Variants in BEND7 observed in about 807,000 individuals in gnomAD.
BEND7 encodes the protein BEN domain-containing protein 7.
A neutral mutation model predicts 50.9 loss-of-function variants in BEND7; 28 were observed. The observed-to-expected ratio is 0.55, with a 90% CI of 0.41 to 0.75. The LOEUF (loss-of-function observed/expected upper bound fraction) is 0.75. Among genes scored for constraint, BEND7 ranks in the 30% least tolerant of loss-of-function variants. The probability of loss-of-function intolerance (pLI) is 0.00; values close to 1 mark genes in which losing one functional copy is unlikely to be tolerated. For missense variants in BEND7, 477 were observed against 491.3 expected (o/e 0.97, Z 0.28); for synonymous variants, 170 against 183.9 (o/e 0.92, Z 0.61).
chr10:13,469,527 A>C (rs758000582), intron 6 of BEND7, among the ~76,000 whole-genome samples: 1 of 152,174 alleles, frequency 6.6e-6, no homozygotes, highest in Non-Finnish European at 1.5e-5. Flanking sequence ...ACCAGGCTGG[A>C]CTGCAGTGGC....
At chr10:13,439,807 C>G (rs896390682), downstream of BEND7, among the ~76,000 whole-genome samples, 2 of 152,232 alleles carry the variant, frequency 1.3e-5, no homozygotes, top group Non-Finnish European at 2.9e-5. Context: ...AGATAGGACT[C>G]CGATCAACAC....
At chr10:13,463,341 AG>A (rs2073907442) in intron 6 of BEND7, among the ~76,000 whole-genome samples, 1 of 152,212 alleles carries the variant, frequency 6.6e-6, no homozygotes, top group African/African-American at 2.4e-5. Context: ...GAGAGGAGAA[AG>A]GGGAGGAGGA....
At position 13,441,245 on chromosome 10, in the gene BEND7, C is replaced by T. The variant is rs1835274963; in HGVS notation, c.*498G>A. On this transcript the variant is annotated 3_prime_UTR_variant, in exon 9 of 9. Transcript: ENST00000466271. ...TAATTTTAAAAAATCTAAATATTTACATATTAATAAAACATATATACAGAA... is the reference window on the plus strand; with the variant it reads ...TAATTTTAAAAAATCTAAATATTTATATATTAATAAAACATATATACAGAA... 1.1e-6 allele frequency: 1 copy of T among 903,628 alleles called. No homozygotes were observed. Among genetic ancestry groups the T allele is most frequent in the South Asian group, 5.1e-5 (1 of 19,480 alleles). The allele number at this position is 903,628 out of a possible 1,614,324, so 56.0% of individuals were successfully genotyped here.
chr10:13,442,462 G>T (rs1419368775), intron 8 of BEND7: 1 of 152,216 alleles, frequency 6.6e-6, no homozygotes, highest in Non-Finnish European at 1.5e-5. Context: ...ATTAGAGAAA[G>T]AAATCTGGAG....
chr10:13,525,572 G>C (rs2079403345), intron 2 of BEND7, among the ~76,000 whole-genome samples: 1 of 152,224 alleles, frequency 6.6e-6, no homozygotes, highest in South Asian at 2.1e-4. Flanking sequence ...GCACTATCAA[G>C]AGCTGGTTAG....
chr10:13,508,116 T>C (rs983991358), intron 2 of BEND7, among the ~76,000 whole-genome samples: 1 of 152,136 alleles, frequency 6.6e-6, no homozygotes, highest in African/African-American at 2.4e-5. Flanking sequence ...AGAAGAGGAA[T>C]CTGAAACAGA....
Position 13,484,642 on chromosome 10 carries a change from TA to T in BEND7, c.838-3519del, listed in dbSNP as rs558612189. Among the ~76,000 whole-genome samples the T allele has an allele frequency of 2.2e-3, 341 of 152,360 alleles. 3 individuals carry two copies. The highest frequency in any genetic ancestry group is 7.7e-3 in the African/African-American group (322 of 41,584). ...TACTCAAGCCAAAGTAGAAAGCGAA[TA>T]TGTTAATTTACAGATTTTAGTGATT... On this transcript the variant is annotated intron_variant, in intron 5 of 8. Coordinates refer to ENST00000466271, the MANE Select transcript of BEND7 (RefSeq NM_001369863.1).
upstream of BEND7, among the ~76,000 whole-genome samples, chr10:13,529,622 G>C (rs999213041): frequency 6.6e-6 from 1 of 152,152 alleles, no homozygotes; most frequent in Non-Finnish European, 1.5e-5. Flanking sequence ...GGTCAAGGCA[G>C]GTGCAGGGCA....
intron 8 of BEND7, 192 bp downstream of exon 8, chr10:13,447,074 G>A (rs117951069): frequency 4.5e-4 from 277 of 621,082 alleles, no homozygotes; most frequent in Non-Finnish European, 7.2e-4. Flanking sequence ...TGAGAAAAAC[G>A]TTTTTCTATT....
At chr10:13,487,627 C>T (rs2076328436) in intron 5 of BEND7, among the ~76,000 whole-genome samples, 1 of 152,066 alleles carries the variant, frequency 6.6e-6, no homozygotes, top group South Asian at 2.1e-4. Context: ...CTCAGCTGAT[C>T]TACTAGCCTC....
chr10:13,491,682 A>G (rs2131994499), intron 5 of BEND7, among the ~76,000 whole-genome samples: 1 of 152,106 alleles, frequency 6.6e-6, no homozygotes, highest in East Asian at 1.9e-4. Flanking sequence ...TAAAAACCCA[A>G]TGTGGATATA....
chr10:13,472,378 C>T (rs897834543), intron 6 of BEND7, among the ~76,000 whole-genome samples: 4 of 151,680 alleles, frequency 2.6e-5, no homozygotes, highest in East Asian at 1.9e-4. Flanking sequence ...GGCCAATACT[C>T]GTCATCACTG....
intron 7 of BEND7, among the ~76,000 whole-genome samples, chr10:13,448,772 G>A (rs978372515): frequency 6.6e-6 from 1 of 152,010 alleles, no homozygotes; most frequent in Non-Finnish European, 1.5e-5. Context: ...TCAGGAGATC[G>A]AGACCATCCT....
rs141006554 is a variant in BEND7 at position 13,502,620 on chromosome 10, G to A, written c.146-2540C>T. Among the ~76,000 whole-genome samples the A allele has an allele frequency of 2.8e-4, 43 of 152,214 alleles. 1 individual carries two copies. In the East Asian group the frequency reaches 7.9e-3, roughly 28 times the overall value. On this transcript the variant is annotated intron_variant, in intron 2 of 8. Coordinates refer to ENST00000466271, the MANE Select transcript of BEND7 (RefSeq NM_001369863.1). ...GAAAGATAAGCCCACAGGCAAATGC[G>A]GTATTAATTTCAGCAACCAGACACA...
intron 6 of BEND7, among the ~76,000 whole-genome samples, chr10:13,465,157 T>C (rs753803567): frequency 3.9e-5 from 6 of 152,218 alleles, no homozygotes; most frequent in Non-Finnish European, 7.3e-5. Flanking sequence ...GAGAAAGTTT[T>C]TTCTCTCGTC....
intron 1 of BEND7, 103 bp from the exon 2 acceptor site, chr10:13,526,324 A>G (rs749058903): frequency 3.1e-6 from 1 of 324,236 alleles, no homozygotes; most frequent in Non-Finnish European, 5.2e-6. Context: ...ATACTCTATA[A>G]TTTATAAATA....
At chr10:13,523,188 T>G (rs1411616359) in intron 2 of BEND7, among the ~76,000 whole-genome samples, 1 of 152,204 alleles carries the variant, frequency 6.6e-6, no homozygotes, top group African/African-American at 2.4e-5. Flanking sequence ...GAGAACTGTT[T>G]CCTTTCAAAC....
chr10:13,455,339 C>T (rs995762614), intron 6 of BEND7, among the ~76,000 whole-genome samples: 2 of 151,692 alleles, frequency 1.3e-5, no homozygotes, highest in Admixed American at 6.6e-5. Context: ...GGCCCAAGCA[C>T]GGCTGGCCAG....
At chr10:13,502,628 T>G (rs1014896583) in intron 2 of BEND7, among the ~76,000 whole-genome samples, 3 of 152,176 alleles carry the variant, frequency 2.0e-5, no homozygotes, top group Non-Finnish European at 4.4e-5. Context: ...GCGGTATTAA[T>G]TTCAGCAACC....
Sources: allele counts gnomAD v4.1 joint callset (sites outside exome capture counted in the v4.1 genomes callset), GRCh38; gene constraint gnomAD v4.1.1; transcripts MANE v1.5; gene names NCBI Gene and HGNC (gene_info 2026-07-23, HGNC 2026-07-21).